Variants in CDH4 observed in about 807,000 individuals in gnomAD.
The protein encoded by CDH4 is cadherin-4.
CDH4 carries 33 observed loss-of-function variants against 86.0 expected under a neutral mutation model. That is an observed-to-expected ratio of 0.38 (90% confidence interval 0.29 to 0.51). CDH4 has a LOEUF of 0.51. Among genes scored for constraint, CDH4 ranks in the 20% least tolerant of loss-of-function variants. The pLI is 0.86. For missense variants in CDH4, 1,114 were observed against 1,307.4 expected (o/e 0.85, Z 2.28); for synonymous variants, 555 against 549.4 (o/e 1.01, Z -0.14).
chr20:61,365,014 A>G (rs1287883451), intron 2 of CDH4, among the ~76,000 whole-genome samples: 2 of 152,164 alleles, frequency 1.3e-5, no homozygotes. Context: ...CCTAGACCAC[A>G]TGTACCAAAC....
At chr20:61,324,108 C>T (rs1448313815) in intron 2 of CDH4, among the ~76,000 whole-genome samples, 1 of 152,128 alleles carries the variant, frequency 6.6e-6, no homozygotes, top group East Asian at 1.9e-4. Context: ...GGAGTGTGTG[C>T]GATACTGAGT....
At chr20:61,485,953 C>T (rs967478709) in intron 2 of CDH4, among the ~76,000 whole-genome samples, 74 of 152,302 alleles carry the variant, frequency 4.9e-4, no homozygotes, top group Admixed American at 1.7e-3. Flanking sequence ...CCCCTTGAGT[C>T]GAGACCAACA....
chr20:61,343,295 C>T (rs373207607), intron 2 of CDH4, among the ~76,000 whole-genome samples: 162 of 152,330 alleles, frequency 1.1e-3, no homozygotes, highest in African/African-American at 3.9e-3. Flanking sequence ...ATGATTGTGA[C>T]TTAAGGTAAA....
chr20:61,763,128 C>T (rs749324698), intron 3 of CDH4, among the ~76,000 whole-genome samples: 43 of 152,202 alleles, frequency 2.8e-4, no homozygotes, highest in Admixed American at 2.4e-3. Context: ...TGTGACCTAT[C>T]GCCAAAGGTC....
At chr20:61,389,247 G>A (rs764328261) in intron 2 of CDH4, among the ~76,000 whole-genome samples, 92 of 152,182 alleles carry the variant, frequency 6.0e-4, no homozygotes, top group Non-Finnish European at 9.4e-4. Flanking sequence ...GCTCTTGGGC[G>A]GCTCGTTCCT....
chr20:61,700,816 C>T (rs1204540185), intron 2 of CDH4, among the ~76,000 whole-genome samples: 1 of 152,232 alleles, frequency 6.6e-6, no homozygotes, highest in Non-Finnish European at 1.5e-5. Context: ...GTTGCCGGCT[C>T]AGCGGGTGAG....
chr20:61,690,668 G>A (rs1014090443), intron 2 of CDH4, among the ~76,000 whole-genome samples: 1 of 152,088 alleles, frequency 6.6e-6, no homozygotes, highest in Non-Finnish European at 1.5e-5. Flanking sequence ...GGTGGACCTG[G>A]CAGAATGAGA....
At chr20:61,605,476 T>G (rs1485528872) in intron 2 of CDH4, among the ~76,000 whole-genome samples, 2 of 151,914 alleles carry the variant, frequency 1.3e-5, no homozygotes, top group African/African-American at 4.8e-5. Flanking sequence ...TCTCTATTTG[T>G]CTCTCCCTGT....
At chr20:61,694,877 C>T (rs1034297420) in intron 2 of CDH4, among the ~76,000 whole-genome samples, 1 of 152,184 alleles carries the variant, frequency 6.6e-6, no homozygotes, top group East Asian at 1.9e-4. Flanking sequence ...TGACAGAAGC[C>T]GAAGTGAAAT....
At chr20:61,901,838 G>A (rs1467710899) in intron 8 of CDH4, among the ~76,000 whole-genome samples, 1 of 152,206 alleles carries the variant, frequency 6.6e-6, no homozygotes, top group African/African-American at 2.4e-5. Context: ...CTGCTCCGTG[G>A]GAAGAGGCAA....
chr20:61,333,909 G>T (rs2084601158), intron 2 of CDH4, among the ~76,000 whole-genome samples: 2 of 152,232 alleles, frequency 1.3e-5, no homozygotes, highest in Non-Finnish European at 2.9e-5. Flanking sequence ...GCAGACCAGG[G>T]GCACCATGAG....
rs750869651 is a variant in CDH4 at position 61,754,611 on chromosome 20, G to A, written c.396+10822G>A. 4.2e-5 allele frequency among the ~76,000 whole-genome samples: 6 copies of A among 141,570 alleles called. No homozygotes were observed. The highest frequency in any genetic ancestry group is 6.7e-5 in the Admixed American group (1 of 14,836). The allele number at this position is 141,570 out of a possible 152,430, so 92.9% of individuals were successfully genotyped here. A position where few individuals can be genotyped will look rare whatever the true frequency, so the allele number is the denominator to read the frequency against. On this transcript the variant is annotated intron_variant, in intron 3 of 15. Coordinates refer to ENST00000614565, the MANE Select transcript of CDH4 (RefSeq NM_001794.5). The surrounding 1 kb of genome is among the most constrained non-coding windows in gnomAD (Gnocchi z 4.7). ...ACACTGCCCGGAACACCACACACAC[G>A]GTGCACGGCACACACACCACACACA...
At chr20:61,701,211 C>A (rs1600890175) in intron 2 of CDH4, among the ~76,000 whole-genome samples, 1 of 152,216 alleles carries the variant, frequency 6.6e-6, no homozygotes, top group South Asian at 2.1e-4. Flanking sequence ...GAACAGCAGA[C>A]ATACAGGATT....
Position 61,934,228 on chromosome 20 carries a change from C to T in CDH4, c.2544+8C>T, listed in dbSNP as rs1393409026. On this transcript the variant is annotated splice_region_variant and intron_variant, in intron 15 of 15. Coordinates refer to ENST00000614565, the MANE Select transcript of CDH4 (RefSeq NM_001794.5). ...GGTGACTTCATCAATGAGGTGTGTG[C>T]CTCTCGGCAGTGGGGGGCCCGGGCA... The T allele has an allele frequency of 3.9e-6, 6 of 1,529,398 alleles. No homozygotes were observed. The highest frequency in any genetic ancestry group is 5.3e-6 in the Non-Finnish European group (6 of 1,135,588). The allele number at this position is 1,529,398 out of a possible 1,614,324, so 94.7% of individuals were successfully genotyped here. A position where few individuals can be genotyped will look rare whatever the true frequency, so the allele number is the denominator to read the frequency against.
intron 2 of CDH4, among the ~76,000 whole-genome samples, chr20:61,692,085 GTGTGTGTA>G (rs1479235149): frequency 4.0e-5 from 6 of 151,846 alleles, no homozygotes; most frequent in Non-Finnish European, 8.8e-5. Context: ...GTAAAGATGT[GTGTGTGTA>G]TGTGTGTGTC....
intron 7 of CDH4, among the ~76,000 whole-genome samples, chr20:61,889,340 GGGTGA>G (rs1461151369): frequency 1.5e-3 from 223 of 150,656 alleles, no homozygotes; most frequent in African/African-American, 5.2e-3. Flanking sequence ...ATGGATGGAT[GGGTGA>G]GTGGATGGTG....
At chr20:61,857,243 G>A (rs762207926) in intron 6 of CDH4, among the ~76,000 whole-genome samples, 5 of 152,244 alleles carry the variant, frequency 3.3e-5, no homozygotes, top group Admixed American at 6.5e-5. Flanking sequence ...GTGTGCGTTC[G>A]CCATGGAGTA....
At chr20:61,483,818 G>A (rs539780461) in intron 2 of CDH4, among the ~76,000 whole-genome samples, 15 of 152,244 alleles carry the variant, frequency 9.9e-5, no homozygotes, top group South Asian at 2.1e-4. Flanking sequence ...GCTGAGCTCC[G>A]TCGAAATTGC....
At chr20:61,649,412 A>G (rs2145813346) in intron 2 of CDH4, among the ~76,000 whole-genome samples, 1 of 152,112 alleles carries the variant, frequency 6.6e-6, no homozygotes. Context: ...TTTCTCCCTC[A>G]CTTCTTTTTA....
Sources: gnomAD v4.1 joint callset for allele counts (sites outside exome capture counted in the v4.1 genomes callset) on GRCh38, gnomAD v4.1.1 for gene constraint, Gnocchi (gnomAD v3.1) non-coding constraint, MANE v1.5 for transcripts, NCBI Gene and HGNC (gene_info 2026-07-23, HGNC 2026-07-21) for gene names.